The following TENM2 variants were observed in gnomAD, a reference collection of about 807,000 sequenced individuals.
TENM2 encodes teneurin transmembrane protein 2.
Under a neutral mutation model 245.2 loss-of-function variants are expected in TENM2, and 52 were observed. That is an observed-to-expected ratio of 0.21 (90% CI 0.17 to 0.27). The LOEUF is 0.27. TENM2 is among the 10% of genes least tolerant of loss of function. The probability of loss-of-function intolerance (pLI) is 1.00; values close to 1 mark genes in which losing one functional copy is unlikely to be tolerated. For synonymous variants in TENM2, 1,363 were observed against 1,438.9 expected, an observed-to-expected ratio of 0.95 and a Z score of 1.19; for missense variants, 3,046 against 3,666.8, an observed-to-expected ratio of 0.83 and a Z score of 4.37.
At chr5:168,013,488 C>T (rs2152082034) in intron 5 of TENM2, among the ~76,000 whole-genome samples, 1 of 152,224 alleles carries the variant, frequency 6.6e-6, no homozygotes, top group African/African-American at 2.4e-5. Context: ...CCTGTAATCC[C>T]AGCTACCCAG....
the TENM2 span, among the ~76,000 whole-genome samples, chr5:167,227,661 A>G: frequency 2.6e-5 from 4 of 152,190 alleles, no homozygotes; most frequent in African/African-American, 9.7e-5. Context: ...AGGTGAAGAA[A>G]GGCTTTTCTC....
chr5:167,663,042 T>A (rs970683649), intron 2 of TENM2, among the ~76,000 whole-genome samples: 3 of 152,108 alleles, frequency 2.0e-5, no homozygotes, highest in African/African-American at 7.2e-5. Context: ...TATCTTATCT[T>A]TCATTGCTGT....
At chr5:166,983,870 C>T in the TENM2 span, among the ~76,000 whole-genome samples, 2 of 152,070 alleles carry the variant, frequency 1.3e-5, no homozygotes, top group Non-Finnish European at 2.9e-5. Context: ...TGTACTCTTC[C>T]ATCTCTAATT....
At chr5:167,759,206 C>T (rs994042649) in intron 2 of TENM2, among the ~76,000 whole-genome samples, 1 of 150,932 alleles carries the variant, frequency 6.6e-6, no homozygotes, top group Admixed American at 6.7e-5. Context: ...ACTTAACTAG[C>T]AAGTTGCTTA....
chr5:167,801,095 G>GAAAAAAA (rs1176405769), intron 2 of TENM2, among the ~76,000 whole-genome samples: 4 of 50,712 alleles, frequency 7.9e-5, no homozygotes, highest in African/African-American at 2.8e-4. Context: ...TATTTGAAAA[G>GAAAAAAA]AAAAAAAAAA....
chr5:167,544,706 G>T (rs1161724219), intron 2 of TENM2, among the ~76,000 whole-genome samples: 4 of 152,132 alleles, frequency 2.6e-5, no homozygotes, highest in African/African-American at 9.7e-5. Context: ...TGTACTGGGT[G>T]CCCCTCCTGG....
At chr5:167,010,965 A>T in the TENM2 span, among the ~76,000 whole-genome samples, 84 of 152,324 alleles carry the variant, frequency 5.5e-4, no homozygotes, top group Non-Finnish European at 1.1e-3. Context: ...ATTTACTACA[A>T]TTATCCTGTT....
intron 11 of TENM2, among the ~76,000 whole-genome samples, chr5:168,126,416 AC>A (rs1237006693): frequency 6.6e-6 from 1 of 152,186 alleles, no homozygotes; most frequent in African/African-American, 2.4e-5. Flanking sequence ...GAGTATCAAA[AC>A]CACCTGGAGG....
intron 2 of TENM2, among the ~76,000 whole-genome samples, chr5:167,431,752 G>T (rs894574593): frequency 6.6e-6 from 1 of 151,462 alleles, no homozygotes; most frequent in Non-Finnish European, 1.5e-5. Flanking sequence ...CTACCACCCA[G>T]TGTTTTTTAA....
intron 2 of TENM2, among the ~76,000 whole-genome samples, chr5:167,394,076 T>A (rs188588738): frequency 1.4e-3 from 217 of 152,312 alleles, no homozygotes; most frequent in Middle Eastern, 6.8e-3. Context: ...ATTCCGTAGA[T>A]TGCATTTTCA....
At chr5:167,078,836 AC>A in the TENM2 span, among the ~76,000 whole-genome samples, 3 of 151,992 alleles carry the variant, frequency 2.0e-5, no homozygotes, top group African/African-American at 7.3e-5. Context: ...ATACAATACA[AC>A]TCTTGCCTGA....
chr5:167,494,262 C>T (rs1371766404), intron 2 of TENM2, among the ~76,000 whole-genome samples: 1 of 151,964 alleles, frequency 6.6e-6, no homozygotes, highest in Non-Finnish European at 1.5e-5. Flanking sequence ...AATAAGCACA[C>T]TTCTTGCAGA....
intron 4 of TENM2, among the ~76,000 whole-genome samples, chr5:167,963,599 G>A (rs1490459713): frequency 6.6e-6 from 1 of 152,170 alleles, no homozygotes; most frequent in East Asian, 1.9e-4. Context: ...GGGTTTGATG[G>A]AATAATTTCA....
rs376581913 is a variant in TENM2, at chr5:167,546,577, A to G, written c.502+171104A>G. ...TGACAGAAGGTTGCACAGAAGGTAA[A>G]TATTCTTTGCGATGTAAACCTAAAT... is the stretch of plus-strand genomic sequence containing the variant. On this transcript the variant is annotated intron_variant, in intron 2 of 28. Coordinates refer to ENST00000518659, the Ensembl canonical transcript of TENM2. Among the ~76,000 whole-genome samples, 14 of 152,318 alleles carry G rather than the reference A, an allele frequency of 9.2e-5. No individual in the cohort carries two copies. The South Asian group carries it at 2.9e-3, about 32-fold the overall frequency.
At chr5:168,249,901 A>C (rs1438739635) in intron 27 of TENM2, among the ~76,000 whole-genome samples, 14 of 152,152 alleles carry the variant, frequency 9.2e-5, no homozygotes, top group African/African-American at 3.4e-4. Flanking sequence ...GAAATTGGTG[A>C]AATAAGAGTC....
intron 20 of TENM2, among the ~76,000 whole-genome samples, chr5:168,212,509 G>A (rs183003761): frequency 9.2e-5 from 14 of 152,288 alleles, no homozygotes; most frequent in Non-Finnish European, 1.3e-4. Flanking sequence ...AAAGCAATCT[G>A]TACCACTACT....
At chr5:167,389,151 A>G (rs1190840272) in intron 2 of TENM2, among the ~76,000 whole-genome samples, 1 of 151,700 alleles carries the variant, frequency 6.6e-6, no homozygotes, top group Non-Finnish European at 1.5e-5. Context: ...TAAGATATCT[A>G]TATGTTTTAT....
intron 2 of TENM2, among the ~76,000 whole-genome samples, chr5:167,806,483 C>T (rs926403618): frequency 4.6e-5 from 7 of 152,104 alleles, no homozygotes; most frequent in African/African-American, 1.7e-4. Flanking sequence ...AGTAATATCA[C>T]AGTACCCTTC....
chr5:168,243,944 T>G (rs943043571), intron 25 of TENM2, among the ~76,000 whole-genome samples: 8 of 148,646 alleles, frequency 5.4e-5, no homozygotes, highest in East Asian at 1.9e-4. Flanking sequence ...TTGGTTTTTT[T>G]TTTTTTTTTT....
Sources: gnomAD v4.1 joint callset for allele counts (sites outside exome capture counted in the v4.1 genomes callset) on GRCh38, gnomAD v4.1.1 for gene constraint, MANE v1.5 for transcripts, NCBI Gene and HGNC (gene_info 2026-07-23, HGNC 2026-07-21) for gene names.